FREM1: variants seen among roughly 807,000 people sequenced by gnomAD.
FREM1 encodes the protein FRAS1-related extracellular matrix protein 1.
In FREM1, 220 loss-of-function variants were observed where a neutral mutation model predicts 210.1. That is an observed-to-expected ratio of 1.05 (90% confidence interval 0.94 to 1.17). The LOEUF is 1.17. Among genes scored for constraint, FREM1 ranks in the 50% most tolerant of loss-of-function variants. FREM1 has a pLI of 0.00. For missense variants in FREM1, 3,454 were observed against 2,675.5 expected (o/e 1.29, Z -6.42); for synonymous variants, 1,189 against 980.2 (o/e 1.21, Z -3.98).
chr9:14,863,075 C>T (rs1024966143), intron 3 of FREM1, among the ~76,000 whole-genome samples: 2 of 152,058 alleles, frequency 1.3e-5, no homozygotes. Flanking sequence ...GTCATGGTGG[C>T]ACATCCCTGT....
At chr9:14,885,025 C>T (rs1289833150) in intron 1 of FREM1, among the ~76,000 whole-genome samples, 4 of 132,450 alleles carry the variant, frequency 3.0e-5, no homozygotes, top group Non-Finnish European at 6.1e-5. Context: ...CCCGGGTTCA[C>T]GCCATTCTCC....
At chr9:14,754,899 A>C (rs1398209603) in intron 29 of FREM1, among the ~76,000 whole-genome samples, 1 of 152,164 alleles carries the variant, frequency 6.6e-6, no homozygotes, top group African/African-American at 2.4e-5. Flanking sequence ...GCACCACTGC[A>C]CTCCAGCCTG....
intron 1 of FREM1, among the ~76,000 whole-genome samples, chr9:14,873,443 T>A (rs1396145847): frequency 6.6e-6 from 1 of 152,362 alleles, no homozygotes; most frequent in East Asian, 1.9e-4. Context: ...CGATATTTTC[T>A]AGTTTATTTG....
At chr9:14,884,585 G>A (rs1835431280) in intron 1 of FREM1, among the ~76,000 whole-genome samples, 1 of 152,124 alleles carries the variant, frequency 6.6e-6, no homozygotes, top group Admixed American at 6.5e-5. Flanking sequence ...CATAATTGGT[G>A]GAGGGGAAAT....
intron 11 of FREM1, among the ~76,000 whole-genome samples, chr9:14,824,585 C>A (rs779110807): frequency 6.6e-6 from 1 of 152,172 alleles, no homozygotes; most frequent in African/African-American, 2.4e-5. Context: ...GAAGACACTA[C>A]AAGCTGCAGA....
chr9:14,891,945 A>G (rs1282521061), intron 1 of FREM1, among the ~76,000 whole-genome samples: 1 of 152,210 alleles, frequency 6.6e-6, no homozygotes, highest in Admixed American at 6.5e-5. Flanking sequence ...TACAATACAA[A>G]ATGGTATTTG....
In FREM1 at chr9:14,792,884, C is replaced by A. The variant is rs1402197621; in HGVS notation, c.3840G>T (p.Lys1280Asn). The A allele has an allele frequency of 1.3e-6, 2 of 1,562,238 alleles. No homozygotes were observed. The highest frequency in any genetic ancestry group is 1.7e-6 in the Non-Finnish European group (2 of 1,153,260). ...CCATATTCATTGCAATTTCAGCCTT[C>A]CTGTAAAAAGAAAAATGTCTGGGTT... ...PVNDEKPMLSKKAEIAMNMGE... is the reference protein window; with the variant it reads ...PVNDEKPMLSNKAEIAMNMGE... Residue 1280 changes from lysine to asparagine, a missense_variant and splice_region_variant, in exon 22 of 37, where the codon AAG (lysine) becomes AAT (asparagine). By Grantham distance (94) the Lys-to-Asn change is moderately conservative. Coordinates refer to ENST00000380880, the MANE Select transcript of FREM1 (RefSeq NM_001379081.2).
chr9:14,750,002 G>T, intron 30 of FREM1, 125 bp downstream of exon 30: 2 of 965,622 alleles, frequency 2.1e-6, no homozygotes, highest in Admixed American at 2.2e-5. Context: ...CACGACTGAG[G>T]GTGCTTTCTT....
chr9:14,820,734 G>C (rs1049205029), intron 13 of FREM1, among the ~76,000 whole-genome samples: 1 of 152,128 alleles, frequency 6.6e-6, no homozygotes, highest in Non-Finnish European at 1.5e-5. Context: ...CAAAAACATA[G>C]ACTTCTCTCC....
chr9:14,792,910 GATAT>G, intron 21 of FREM1, 26 bp from the exon 22 acceptor site: 1 of 1,505,368 alleles, frequency 6.6e-7, no homozygotes, highest in Non-Finnish European at 9.0e-7. Context: ...TGTCTGGGTT[GATAT>G]AAAAATAGAA....
At chr9:14,825,561 A>ATATATATATCTATATATG (rs1554685339) in intron 10 of FREM1, among the ~76,000 whole-genome samples, 1 of 129,264 alleles carries the variant, frequency 7.7e-6, no homozygotes, top group Non-Finnish European at 1.6e-5. Context: ...ATATATATAT[A>ATATATATATCTATATATG]TATATATATA....
Position 14,851,349 on chromosome 9 carries a change from G to T in FREM1, c.1087C>A (p.Leu363Ile), listed in dbSNP as rs571643744. The change falls in exon 6 of 37, where the codon CTC becomes ATC. Residue 363 changes from leucine to isoleucine, a missense_variant. Coordinates refer to ENST00000380880, the MANE Select transcript of FREM1 (RefSeq NM_001379081.2). ...TGATAGGCGATCTGCATGTCACTGA[G>T]ATCTTTCCAGGTGAATGAGGAGATT... ...RPISSFTWKD[L>I]SDMQIAYQPP... 1.9e-6 allele frequency: 3 copies of T among 1,612,730 alleles called. No homozygotes were observed. The highest frequency in any genetic ancestry group is 2.5e-6 in the Non-Finnish European group (3 of 1,179,058).
At chr9:14,891,809 T>C (rs925774363) in intron 1 of FREM1, among the ~76,000 whole-genome samples, 1 of 152,182 alleles carries the variant, frequency 6.6e-6, no homozygotes, top group African/African-American at 2.4e-5. Context: ...AGGTGTTATG[T>C]CAGAAGCAAG....
chr9:14,906,605 A>C (rs1480992079), intron 1 of FREM1, among the ~76,000 whole-genome samples: 4 of 152,232 alleles, frequency 2.6e-5, no homozygotes, highest in Admixed American at 6.5e-5. Context: ...TCCTTTCTGC[A>C]ATCTTCCTAA....
intron 1 of FREM1, among the ~76,000 whole-genome samples, chr9:14,887,790 G>C (rs566037224): frequency 1.3e-5 from 2 of 152,144 alleles, no homozygotes; most frequent in South Asian, 4.2e-4. Context: ...AACCTAATTA[G>C]TTCTATTATT....
chr9:14,739,457 T>TATATATATATATAATTC (rs1841051004), intron 36 of FREM1, among the ~76,000 whole-genome samples: 4 of 130,608 alleles, frequency 3.1e-5, no homozygotes, highest in East Asian at 4.1e-4. Flanking sequence ...GGAATATATA[T>TATATATATATATAATTC]ATATATATAT....
intron 30 of FREM1, 145 bp downstream of exon 30, chr9:14,749,982 G>C: frequency 1.3e-6 from 1 of 777,608 alleles, no homozygotes; most frequent in Admixed American, 2.6e-5. Context: ...CCAGAATAAA[G>C]GGCCTACATC....
rs1024463534 is a variant in FREM1, at chr9:14,828,588, G to A, written c.1882-3596C>T. Among the ~76,000 whole-genome samples the A allele has an allele frequency of 3.7e-5, 5 of 136,396 alleles. No homozygotes were observed. The Admixed American group carries it at 4.0e-4, about 11-fold the overall frequency. The allele number at this position is 136,396 out of a possible 152,430, so 89.5% of individuals were successfully genotyped here. ...GAAATGAGTTAAGACTTTGGGGGCT[G>A]TTGAGATGGAATTAGTATATTTTGT... On this transcript the variant is annotated intron_variant, in intron 10 of 36. Coordinates refer to ENST00000380880, the MANE Select transcript of FREM1 (RefSeq NM_001379081.2).
chr9:14,783,063 A>T (rs1587944402), intron 24 of FREM1, among the ~76,000 whole-genome samples: 2 of 152,240 alleles, frequency 1.3e-5, no homozygotes, highest in East Asian at 3.8e-4. Context: ...TAGTTAAAAT[A>T]TTGATCAATT....
Sources: gnomAD v4.1 joint callset for allele counts (sites outside exome capture counted in the v4.1 genomes callset) on GRCh38, gnomAD v4.1.1 for gene constraint, MANE v1.5 for transcripts, NCBI Gene and HGNC (gene_info 2026-07-23, HGNC 2026-07-21) for gene names.